The following PEX11G variants were observed in gnomAD, a reference collection of about 807,000 sequenced individuals.
PEX11G encodes the protein peroxisomal biogenesis factor 11 gamma.
Under a neutral mutation model 22.5 loss-of-function variants are expected in PEX11G, and 20 were observed. The ratio of observed to expected loss-of-function variants is 0.89; its 90% CI spans 0.62 to 1.29. The LOEUF (loss-of-function observed/expected upper bound fraction) is 1.29. Among genes scored for constraint, PEX11G ranks in the 50% most tolerant of loss-of-function variants. The pLI, the probability that PEX11G is intolerant of heterozygous loss-of-function variation, is 0.00. For missense variants in PEX11G, 347 were observed against 331.3 expected (o/e 1.05, Z -0.37); for synonymous variants, 141 against 154.5 (o/e 0.91, Z 0.65).
chr19:7,487,518 G>A (rs951602741), intron 1 of PEX11G, among the ~76,000 whole-genome samples: 59 of 152,174 alleles, frequency 3.9e-4, no homozygotes, highest in African/African-American at 1.3e-3. Flanking sequence ...TGCATCCCAG[G>A]TTCAAGCAAT....
At chr19:7,489,715 C>G (rs890256062), upstream of PEX11G, among the ~76,000 whole-genome samples, 3 of 152,086 alleles carry the variant, frequency 2.0e-5, no homozygotes, top group Non-Finnish European at 2.9e-5. Flanking sequence ...GAAGCTGATA[C>G]CGGAAAAGCT....
intron 3 of PEX11G, among the ~76,000 whole-genome samples, chr19:7,481,037 G>A (rs1006826132): frequency 6.6e-5 from 10 of 152,092 alleles, no homozygotes; most frequent in African/African-American, 1.7e-4. Flanking sequence ...TCAGGGACCC[G>A]GGTAAAGGCC....
chr19:7,479,211 C>T (rs973640842), intron 3 of PEX11G, among the ~76,000 whole-genome samples: 12 of 152,208 alleles, frequency 7.9e-5, no homozygotes, highest in African/African-American at 2.7e-4. Context: ...GGGCCAAGCG[C>T]GATGGCTCAC....
At chr19:7,480,199 C>T (rs374459722) in intron 3 of PEX11G, among the ~76,000 whole-genome samples, 3 of 150,482 alleles carry the variant, frequency 2.0e-5, no homozygotes, top group Non-Finnish European at 2.9e-5. Context: ...GCCCAAGGGG[C>T]GGAGGTTGCA....
chr19:7,494,960 C>CTTCT (rs897539560), intron 1 of PEX11G, among the ~76,000 whole-genome samples: 48 of 152,034 alleles, frequency 3.2e-4, no homozygotes, highest in Admixed American at 1.3e-3. Flanking sequence ...AGTCTTCTGA[C>CTTCT]TTCTTTCTTT....
chr19:7,481,768 G>C (rs968552380), intron 3 of PEX11G, among the ~76,000 whole-genome samples: 1 of 151,154 alleles, frequency 6.6e-6, no homozygotes, highest in African/African-American at 2.4e-5. Context: ...CTAGCCCAGG[G>C]AGTGTTCTGA....
intron 1 of PEX11G, 108 bp from the exon 2 acceptor site, chr19:7,486,134 C>A: frequency 1.0e-6 from 1 of 990,418 alleles, no homozygotes; most frequent in South Asian, 1.9e-5. Context: ...GTGGAAGATT[C>A]TCTTTTTTTT....
intron 3 of PEX11G, among the ~76,000 whole-genome samples, chr19:7,479,428 A>G (rs557153104): frequency 1.3e-5 from 2 of 152,246 alleles, no homozygotes; most frequent in South Asian, 2.1e-4. Flanking sequence ...AGGTTGCAGT[A>G]AGCCAAGATC....
chr19:7,482,347 C>T (rs533562945), intron 2 of PEX11G, 136 bp from the exon 3 acceptor site: 12 of 1,034,970 alleles, frequency 1.2e-5, no homozygotes, highest in Admixed American at 5.7e-5. Flanking sequence ...GCAGGCCCCG[C>T]GGGAGAAAGG....
chr19:7,490,641 T>TA (rs1491105091), upstream of PEX11G, among the ~76,000 whole-genome samples: 1 of 100,100 alleles, frequency 1.0e-5, no homozygotes, highest in East Asian at 3.1e-4. Context: ...GCCTGGCCTC[T>TA]ATTTTTTTTT....
In PEX11G at chr19:7,485,986, AC is replaced by A; in HGVS notation, c.100del (p.Val34PhefsTer62). ...LGYCCQLVGGVLVEQCPARSE... is the reference protein window; with the variant it reads ...LGYCCQLVGGXLVEQCPARSE... ...CCTGGCGGGACACTGTTCAACCAGA[AC>A]TCCACCAACCAGCTGGCAGCAGTAC... On this transcript the variant is annotated frameshift_variant, in exon 2 of 5. Coordinates refer to ENST00000221480, the MANE Select transcript of PEX11G (RefSeq NM_080662.4). LOFTEE classifies it high-confidence loss of function. 6.2e-7 allele frequency: 1 copy of A among 1,604,122 alleles called. No homozygotes were observed. Among genetic ancestry groups the A allele is most frequent in the South Asian group, 1.1e-5 (1 of 90,780 alleles).
chr19:7,488,033 T>C (rs2021741644), intron 1 of PEX11G, among the ~76,000 whole-genome samples: 1 of 152,206 alleles, frequency 6.6e-6, no homozygotes, highest in African/African-American at 2.4e-5. Context: ...ATATGGGACT[T>C]GATTGGAACT....
At chr19:7,492,670 G>A (rs1168783290), upstream of PEX11G, among the ~76,000 whole-genome samples, 1 of 152,126 alleles carries the variant, frequency 6.6e-6, no homozygotes, top group African/African-American at 2.4e-5. Flanking sequence ...TCCAACTCCT[G>A]ATCTCAAGAA....
chr19:7,490,066 C>A (rs1435001546), upstream of PEX11G, among the ~76,000 whole-genome samples: 1 of 152,102 alleles, frequency 6.6e-6, no homozygotes, highest in African/African-American at 2.4e-5. Context: ...CCACGTTGGC[C>A]AGGCTGTTCT....
intron 1 of PEX11G, among the ~76,000 whole-genome samples, chr19:7,487,583 C>T (rs1476169800): frequency 4.6e-5 from 7 of 152,028 alleles, no homozygotes; most frequent in African/African-American, 4.8e-5. Context: ...CCACCACATC[C>T]GGCTAATTTT....
upstream of PEX11G, among the ~76,000 whole-genome samples, chr19:7,493,404 A>AGGCTGGTCTCAAACTCCTGGG (rs1390575580): frequency 1.2e-4 from 18 of 152,198 alleles, no homozygotes; most frequent in East Asian, 1.9e-3. Context: ...CATGTTGGCC[A>AGGCTGGTCTCAAACTCCTGGG]GGCTGGTCTC....
chr19:7,478,176 A>G, intron 4 of PEX11G, 138 bp downstream of exon 4: 1 of 885,906 alleles, frequency 1.1e-6, no homozygotes, highest in Non-Finnish European at 1.7e-6. Context: ...ACCGCCACCC[A>G]CCAGAGGCTG....
rs1470620499 is a variant in PEX11G at position 7,477,096 on chromosome 19, C to T, written c.*106G>A. 1 of 1,123,524 alleles carries T rather than the reference C, an allele frequency of 8.9e-7. No homozygotes were observed. Among genetic ancestry groups the T allele is most frequent in the Admixed American group, 3.6e-5 (1 of 27,422 alleles). The allele number at this position is 1,123,524 out of a possible 1,614,324, so 69.6% of individuals were successfully genotyped here. On this transcript the variant is annotated 3_prime_UTR_variant, in exon 5 of 5. Coordinates refer to ENST00000221480, the MANE Select transcript of PEX11G (RefSeq NM_080662.4). ...CCACCCACCCTGCCCATGGGTTTCA[C>T]CACAGGCAGCTCCATGAGAGCCCCG...
Position 7,477,350 on chromosome 19 carries a change from G to A in PEX11G, c.578C>T (p.Ala193Val). Reference protein sequence around the residue: ...LSLLSNLADLANAVHWLPRGV... With the variant: ...LSLLSNLADLVNAVHWLPRGV... ...CCGGGGCAGCCAGTGCACGGCGTTG[G>A]CCAGGTCGGCCAGGTTGCTGAGAAG... The change falls in exon 5 of 5, where the codon GCC (alanine) becomes GTC (valine). Residue 193 changes from alanine to valine, a missense_variant. Ala to Val is a moderately conservative substitution (Grantham distance 64). Coordinates refer to ENST00000221480, the MANE Select transcript of PEX11G (RefSeq NM_080662.4). 1 of 1,556,180 alleles carries A rather than the reference G, an allele frequency of 6.4e-7. No individual in the cohort carries two copies. The highest frequency in any genetic ancestry group is 8.7e-7 in the Non-Finnish European group (1 of 1,152,678).
Sources: allele counts gnomAD v4.1 joint callset (sites outside exome capture counted in the v4.1 genomes callset), GRCh38; gene constraint gnomAD v4.1.1; transcripts MANE v1.5; gene names NCBI Gene and HGNC (gene_info 2026-07-23, HGNC 2026-07-21).